Variants in TLCD4 observed in about 807,000 individuals in gnomAD.
The protein encoded by TLCD4 is TLC domain-containing protein 4.
A neutral mutation model predicts 24.2 loss-of-function variants in TLCD4; 7 were observed. The ratio of observed to expected loss-of-function variants is 0.29; its 90% confidence interval spans 0.16 to 0.54. The LOEUF is 0.54. Among genes scored for constraint, TLCD4 ranks in the 20% least tolerant of loss-of-function variants. The probability of loss-of-function intolerance (pLI) is 0.95; values close to 1 mark genes in which losing one functional copy is unlikely to be tolerated. For synonymous variants in TLCD4, 103 were observed against 106.4 expected (o/e 0.97, Z 0.20); for missense variants, 259 against 313.9 (o/e 0.82, Z 1.32).
At chr1:95,189,304 C>T (rs544737392) in intron 6 of TLCD4, among the ~76,000 whole-genome samples, 3 of 152,302 alleles carry the variant, frequency 2.0e-5, no homozygotes, top group Admixed American at 6.5e-5. Flanking sequence ...GCACCTCTTT[C>T]TACCTTACTC....
the TLCD4 span, among the ~76,000 whole-genome samples, chr1:95,100,294 G>T: frequency 6.6e-6 from 1 of 151,988 alleles, no homozygotes; most frequent in Non-Finnish European, 1.5e-5. Context: ...TGCATTGCTG[G>T]CTGGGTGCGG....
intron 5 of TLCD4, among the ~76,000 whole-genome samples, chr1:95,156,479 G>A (rs1369326060): frequency 3.9e-5 from 6 of 152,020 alleles, no homozygotes; most frequent in Non-Finnish European, 8.8e-5. Flanking sequence ...TGCTTTTCAC[G>A]GAATGGTTGT....
At chr1:95,111,164 A>G in the TLCD4 span, among the ~76,000 whole-genome samples, 2 of 151,892 alleles carry the variant, frequency 1.3e-5, no homozygotes, top group East Asian at 3.9e-4. Context: ...TGGGTGTGGT[A>G]GTGTGCACCT....
At chr1:95,143,841 T>A in intron 1 of TLCD4, 50 bp from the exon 2 acceptor site, 3 of 1,316,186 alleles carry the variant, frequency 2.3e-6, no homozygotes, top group Non-Finnish European at 2.9e-6. Context: ...AAAAAATTAC[T>A]CTAGGTTTAT....
At chr1:95,179,523 T>C (rs200289341) in intron 6 of TLCD4, among the ~76,000 whole-genome samples, 2 of 152,396 alleles carry the variant, frequency 1.3e-5, no homozygotes, top group South Asian at 2.1e-4. Context: ...TTTGGCTCTT[T>C]ATGGAAATAG....
chr1:95,151,504 A>G, intron 5 of TLCD4, 85 bp downstream of exon 5: 1 of 1,494,084 alleles, frequency 6.7e-7, no homozygotes, highest in Non-Finnish European at 9.0e-7. Context: ...TAAACATACA[A>G]TTCTTAGTTT....
Position 95,191,477 on chromosome 1 carries a change from A to T in TLCD4, c.474-73A>T, listed in dbSNP as rs1037349117. The stretch of plus-strand genomic sequence containing the variant: ...CCTCCTTCACTGAATTTTAAAATTT[A>T]AAAACTAAAATAAAAATGGTTAATC... On this transcript the variant is annotated intron_variant, in intron 6 of 6. Transcript: ENST00000370203. 67 of 1,515,700 alleles carry T rather than the reference A, an allele frequency of 4.4e-5. No individual in the cohort carries two copies. The African/African-American group carries it at 8.7e-4, about 20-fold the overall frequency. The allele number at this position is 1,515,700 out of a possible 1,614,324, so 93.9% of individuals were successfully genotyped here.
chr1:95,180,462 T>C (rs1678594641), intron 6 of TLCD4, among the ~76,000 whole-genome samples: 2 of 152,330 alleles, frequency 1.3e-5, no homozygotes, highest in Admixed American at 1.3e-4. Context: ...TGTCAGAGTT[T>C]CCATAGTTTA....
At chr1:95,122,605 C>CT (rs1385746832) in intron 1 of TLCD4, among the ~76,000 whole-genome samples, 4 of 152,192 alleles carry the variant, frequency 2.6e-5, no homozygotes, top group Admixed American at 6.5e-5. Flanking sequence ...TCTGACAACT[C>CT]TCCCCCTATC....
chr1:95,115,615 T>C (rs1194924067), upstream of TLCD4, among the ~76,000 whole-genome samples: 2 of 152,216 alleles, frequency 1.3e-5, no homozygotes, highest in Non-Finnish European at 2.9e-5. Context: ...TCAAAAACAA[T>C]CTTGCAGTTT....
At chr1:95,125,057 C>A (rs1261038722) in intron 1 of TLCD4, among the ~76,000 whole-genome samples, 1 of 152,148 alleles carries the variant, frequency 6.6e-6, no homozygotes, top group East Asian at 1.9e-4. Context: ...GTCAGCTTGA[C>A]CCTGTTTCAT....
chr1:95,186,273 C>G (rs1365720735), intron 6 of TLCD4, among the ~76,000 whole-genome samples: 1 of 152,192 alleles, frequency 6.6e-6, no homozygotes, highest in African/African-American at 2.4e-5. Flanking sequence ...ATGGCAGAAC[C>G]AGGCTTTCAA....
intron 5 of TLCD4, 76 bp downstream of exon 5, chr1:95,151,495 A>G: frequency 6.6e-7 from 1 of 1,522,340 alleles, no homozygotes; most frequent in Non-Finnish European, 8.9e-7. Flanking sequence ...ACATAAATCT[A>G]AACATACAAT....
At chr1:95,108,568 C>T in the TLCD4 span, among the ~76,000 whole-genome samples, 1 of 152,282 alleles carries the variant, frequency 6.6e-6, no homozygotes, top group Admixed American at 6.5e-5. Context: ...AAGCAATCCT[C>T]CCATCTTGGC....
intron 6 of TLCD4, among the ~76,000 whole-genome samples, chr1:95,189,537 G>C (rs1557700245): frequency 6.6e-6 from 1 of 152,016 alleles, no homozygotes; most frequent in Non-Finnish European, 1.5e-5. Flanking sequence ...AATATCCCTT[G>C]TTTTACCTAC....
intron 5 of TLCD4, among the ~76,000 whole-genome samples, chr1:95,168,535 G>T: frequency 8.0e-6 from 1 of 125,206 alleles, no homozygotes. Context: ...CTTTTCTTTT[G>T]GAATGAAATG....
chr1:95,190,015 G>T (rs1254820753), intron 6 of TLCD4, among the ~76,000 whole-genome samples: 2 of 152,016 alleles, frequency 1.3e-5, no homozygotes, highest in African/African-American at 4.8e-5. Context: ...ACCCTTGCCA[G>T]CAATTGTTAT....
intron 1 of TLCD4, among the ~76,000 whole-genome samples, chr1:95,122,984 T>TA (rs763024707): frequency 0.02 from 3,013 of 151,576 alleles, 101 homozygotes; most frequent in African/African-American, 0.065. Flanking sequence ...TTTTTTTTTT[T>TA]AAAAAGAGAA....
At chr1:95,169,020 G>A (rs185878282) in intron 5 of TLCD4, among the ~76,000 whole-genome samples, 26 of 152,310 alleles carry the variant, frequency 1.7e-4, no homozygotes, top group Admixed American at 1.2e-3. Flanking sequence ...GTCTGGGGTG[G>A]GTGTTTGTAA....
Sources: gnomAD v4.1 joint callset for allele counts (sites outside exome capture counted in the v4.1 genomes callset) on GRCh38, gnomAD v4.1.1 for gene constraint, MANE v1.5 for transcripts, NCBI Gene and HGNC (gene_info 2026-07-23, HGNC 2026-07-21) for gene names.